The following ERBB4 variants were observed in gnomAD, a reference collection of about 807,000 sequenced individuals.
ERBB4 encodes receptor tyrosine-protein kinase erbB-4.
Under a neutral mutation model 158.0 loss-of-function variants are expected in ERBB4, and 42 were observed. The observed-to-expected ratio is 0.27, with a 90% CI of 0.21 to 0.34. The LOEUF (loss-of-function observed/expected upper bound fraction) is 0.34. Among genes scored for constraint, ERBB4 ranks in the 10% least tolerant of loss-of-function variants. The probability of loss-of-function intolerance (pLI) is 1.00; values close to 1 mark genes in which losing one functional copy is unlikely to be tolerated. For missense variants in ERBB4, 1,333 were observed against 1,624.1 expected, an observed-to-expected ratio of 0.82 and a Z score of 3.08; for synonymous variants, 583 against 558.7, an observed-to-expected ratio of 1.04 and a Z score of -0.61.
intron 1 of ERBB4, among the ~76,000 whole-genome samples, chr2:212,284,699 C>T (rs867196441): frequency 1.3e-5 from 2 of 151,972 alleles, no homozygotes; most frequent in Non-Finnish European, 2.9e-5. Context: ...TGCTTGTTGT[C>T]TTTAGAAGTT....
At chr2:212,238,438 C>T (rs1396993393) in intron 1 of ERBB4, among the ~76,000 whole-genome samples, 1 of 152,136 alleles carries the variant, frequency 6.6e-6, no homozygotes, top group Non-Finnish European at 1.5e-5. Context: ...TGAGATGAGC[C>T]AGGTACCTCA....
chr2:211,610,008 T>C (rs1046071320), intron 19 of ERBB4, among the ~76,000 whole-genome samples: 1 of 152,136 alleles, frequency 6.6e-6, no homozygotes, highest in African/African-American at 2.4e-5. Context: ...TTCTAAGCTA[T>C]CCTTGTAAAG....
chr2:212,471,933 C>T (rs1689136694), intron 1 of ERBB4, among the ~76,000 whole-genome samples: 1 of 151,822 alleles, frequency 6.6e-6, no homozygotes, highest in Non-Finnish European at 1.5e-5. Context: ...TCCTCTGACT[C>T]AAATTAGGGG....
chr2:212,399,338 T>C (rs1352098942), intron 1 of ERBB4, among the ~76,000 whole-genome samples: 2 of 151,834 alleles, frequency 1.3e-5, no homozygotes, highest in Non-Finnish European at 2.9e-5. Context: ...TTTTCAGACA[T>C]ATCTTGAAAT....
chr2:211,593,574 C>G (rs1020569006), intron 19 of ERBB4, among the ~76,000 whole-genome samples: 1 of 152,190 alleles, frequency 6.6e-6, no homozygotes, highest in African/African-American at 2.4e-5. Flanking sequence ...TTGTATTATT[C>G]TGTCTTGCAT....
intron 3 of ERBB4, among the ~76,000 whole-genome samples, chr2:211,905,647 C>CATATATATAT (rs56758130): frequency 0.013 from 959 of 71,276 alleles, 15 homozygotes; most frequent in Non-Finnish European, 0.016. Flanking sequence ...TAGGAAGGAT[C>CATATATATAT]ATATATATAT....
chr2:211,620,850 C>T (rs1006126143), intron 18 of ERBB4, among the ~76,000 whole-genome samples: 7 of 152,122 alleles, frequency 4.6e-5, no homozygotes, highest in Non-Finnish European at 7.4e-5. Flanking sequence ...CATGGTGGCT[C>T]ATCCCACCAC....
intron 18 of ERBB4, among the ~76,000 whole-genome samples, chr2:211,621,881 T>C (rs557477209): frequency 4.9e-4 from 75 of 152,308 alleles, no homozygotes; most frequent in African/African-American, 1.8e-3. Context: ...GAAGCCCTAA[T>C]ATTTTTCTAC....
chr2:211,513,193 C>T (rs936854622), intron 20 of ERBB4, among the ~76,000 whole-genome samples: 21 of 151,646 alleles, frequency 1.4e-4, no homozygotes, highest in Admixed American at 1.4e-3. Context: ...AATGGTAAGG[C>T]GTGACGACAA....
At chr2:212,134,815 C>T (rs2080220875) in intron 1 of ERBB4, among the ~76,000 whole-genome samples, 2 of 151,534 alleles carry the variant, frequency 1.3e-5, no homozygotes, top group African/African-American at 4.8e-5. Context: ...TCCCCAGGAG[C>T]TGGGACTACA....
At chr2:212,158,985 TG>T (rs2081122830) in intron 1 of ERBB4, among the ~76,000 whole-genome samples, 1 of 152,034 alleles carries the variant, frequency 6.6e-6, no homozygotes, top group Non-Finnish European at 1.5e-5. Flanking sequence ...ATATTGATAA[TG>T]TTCTTAATAA....
intron 3 of ERBB4, among the ~76,000 whole-genome samples, chr2:211,902,458 C>G (rs1360468478): frequency 6.6e-6 from 1 of 151,714 alleles, no homozygotes; most frequent in African/African-American, 2.4e-5. Context: ...TTATTGGCAG[C>G]TAAGAACTAA....
At chr2:211,765,398 C>T (rs62183027) in intron 4 of ERBB4, among the ~76,000 whole-genome samples, 3,261 of 152,212 alleles carry the variant, frequency 0.021, 66 homozygotes, top group African/African-American at 0.054. Context: ...TTCTCTACCT[C>T]CTTACATATT....
intron 16 of ERBB4, among the ~76,000 whole-genome samples, chr2:211,644,823 A>C (rs968354945): frequency 1.3e-5 from 2 of 152,002 alleles, no homozygotes; most frequent in Admixed American, 1.3e-4. Context: ...TGCTAAATGA[A>C]GTATATCTAT....
chr2:212,222,837 C>T (rs182693467), intron 1 of ERBB4, among the ~76,000 whole-genome samples: 161 of 151,550 alleles, frequency 1.1e-3, no homozygotes, highest in African/African-American at 2.6e-3. Flanking sequence ...CTGTAATCTC[C>T]AGAAGAGATA....
chr2:211,784,761 C>CT (rs962307250), intron 4 of ERBB4, among the ~76,000 whole-genome samples: 22 of 151,820 alleles, frequency 1.4e-4, no homozygotes, highest in Non-Finnish European at 1.3e-4. Flanking sequence ...TTGTTATTTT[C>CT]TTTTTTATAT....
At chr2:212,198,552 G>T (rs903019772) in intron 1 of ERBB4, among the ~76,000 whole-genome samples, 2 of 151,870 alleles carry the variant, frequency 1.3e-5, no homozygotes, top group Non-Finnish European at 2.9e-5. Flanking sequence ...CCTTCTTAGG[G>T]CTGAATAATA....
chr2:211,824,458 C>G (rs1344426837), intron 3 of ERBB4, among the ~76,000 whole-genome samples: 2 of 151,942 alleles, frequency 1.3e-5, no homozygotes, highest in Admixed American at 1.3e-4. Flanking sequence ...ACCATTTAGA[C>G]AACTGTCTAT....
At chr2:212,052,258 C>A (rs1236183464) in intron 2 of ERBB4, among the ~76,000 whole-genome samples, 1 of 152,180 alleles carries the variant, frequency 6.6e-6, no homozygotes, top group Non-Finnish European at 1.5e-5. Context: ...CTTCTGGACC[C>A]TTGGACATAT....
Sources: gnomAD v4.1 joint callset for allele counts (sites outside exome capture counted in the v4.1 genomes callset) on GRCh38, gnomAD v4.1.1 for gene constraint, MANE v1.5 for transcripts, NCBI Gene and HGNC (gene_info 2026-07-23, HGNC 2026-07-21) for gene names.